SLC17A8: variants seen among roughly 807,000 people sequenced by gnomAD.
The protein encoded by SLC17A8 is solute carrier family 17 member 8, also known as vesicular glutamate transporter 3.
SLC17A8 carries 31 observed loss-of-function variants against 58.0 expected under a neutral mutation model. The ratio of observed to expected loss-of-function variants is 0.53; its 90% CI spans 0.40 to 0.72. The LOEUF (loss-of-function observed/expected upper bound fraction) is 0.72, where lower values mean the gene tolerates loss of function less well. SLC17A8 is among the 30% of genes least tolerant of loss of function. The pLI, the probability that SLC17A8 is intolerant of heterozygous loss-of-function variation, is 0.00. For synonymous variants in SLC17A8, 228 were observed against 249.0 expected (o/e 0.92, Z 0.79); for missense variants, 655 against 727.8 (o/e 0.90, Z 1.15).
At chr12:100,415,433 C>CAAA (rs71303557) in intron 10 of SLC17A8, among the ~76,000 whole-genome samples, 1,681 of 130,632 alleles carry the variant, frequency 0.013, 24 homozygotes, top group Middle Eastern at 0.029. Context: ...GATTCTGTCT[C>CAAA]AAAAAAAAAA....
intron 10 of SLC17A8, among the ~76,000 whole-genome samples, chr12:100,416,292 A>G (rs1476360121): frequency 6.6e-6 from 1 of 152,234 alleles, no homozygotes; most frequent in Non-Finnish European, 1.5e-5. Flanking sequence ...CTCAACAATC[A>G]TATTAATTGC....
intron 5 of SLC17A8, among the ~76,000 whole-genome samples, chr12:100,398,996 A>G (rs924347710): frequency 1.3e-5 from 2 of 152,198 alleles, no homozygotes; most frequent in Non-Finnish European, 2.9e-5. Flanking sequence ...TGTGAGTCCA[A>G]TTAAACCTCT....
At chr12:100,360,389 C>CA (rs1952476816) in intron 1 of SLC17A8, among the ~76,000 whole-genome samples, 1 of 152,182 alleles carries the variant, frequency 6.6e-6, no homozygotes, top group South Asian at 2.1e-4. Context: ...ACTGTAAACT[C>CA]ATTTAATTCT....
rs1952631343 is a variant in SLC17A8 at position 100,380,878 on chromosome 12, G to C, written c.279G>C (p.Arg93=). 1 of 1,614,034 alleles carries C rather than the reference G, an allele frequency of 6.2e-7. No homozygotes were observed. The change falls in exon 2 of 12, where the codon CGG becomes CGC. Residue 93 remains arginine, a synonymous_variant. Transcript: ENST00000323346. The part of the protein sequence containing the change: ...GLGFCISFGI[R]CNLGVAIVEM... ...GATTCTGCATTTCCTTTGGGATCCG[G>C]TGCAATCTTGGAGTTGCCATTGTGG...
chr12:100,386,692 C>T (rs1310366099), intron 2 of SLC17A8, among the ~76,000 whole-genome samples: 5 of 140,398 alleles, frequency 3.6e-5, no homozygotes, highest in Admixed American at 7.2e-5. Context: ...ACCACATTTC[C>T]TTTTTTTTTT....
intron 2 of SLC17A8, among the ~76,000 whole-genome samples, chr12:100,389,109 GA>G (rs1952695804): frequency 6.6e-6 from 1 of 152,178 alleles, no homozygotes; most frequent in Non-Finnish European, 1.5e-5. Context: ...AGTCTAAAAA[GA>G]ATGAGTTACT....
At chr12:100,385,987 CG>C (rs1952671982) in intron 2 of SLC17A8, among the ~76,000 whole-genome samples, 1 of 152,160 alleles carries the variant, frequency 6.6e-6, no homozygotes, top group Non-Finnish European at 1.5e-5. Context: ...TCCATCTTCA[CG>C]TGGACATCTT....
chr12:100,391,136 T>C lies in SLC17A8; in HGVS notation c.473+17T>C, dbSNP rs754541835. 91 of 1,505,626 alleles carry C rather than the reference T, an allele frequency of 6.0e-5. No homozygotes were observed. The highest frequency in any genetic ancestry group is 7.2e-5 in the Non-Finnish European group (78 of 1,081,512). 93.3% of individuals were successfully genotyped at this position (1,505,626 alleles called of 1,614,324 possible). ...TGCTAACAGGTAAGATAAATTGATATAACATGATACAAACCAATGAAATGT... is the reference window on the plus strand; with the variant it reads ...TGCTAACAGGTAAGATAAATTGATACAACATGATACAAACCAATGAAATGT... On this transcript the variant is annotated intron_variant, in intron 3 of 11. Transcript: ENST00000323346.
In SLC17A8 at chr12:100,383,273, T is replaced by C. The variant is rs556934461; in HGVS notation, c.354+2320T>C. Among the ~76,000 whole-genome samples, 19 of 152,362 alleles carry C rather than the reference T, an allele frequency of 1.2e-4. No homozygotes were observed. In the East Asian group the frequency reaches 3.5e-3, roughly 28 times the overall value. ...ACATTTTGATTAACCCGAGGAACAA[T>C]GCTAGTGTGCGCTCTCTAGTTTCTA... On this transcript the variant is annotated intron_variant, in intron 2 of 11. Transcript: ENST00000323346.
intron 8 of SLC17A8, among the ~76,000 whole-genome samples, chr12:100,403,246 GCTGGCGGATCAC>G (rs747470818): frequency 3.9e-5 from 6 of 151,998 alleles, no homozygotes; most frequent in Non-Finnish European, 7.3e-5. Flanking sequence ...GGAAGCCAAG[GCTGGCGGATCAC>G]CTGAGGTTAG....
At chr12:100,371,311 A>G (rs905475664) in intron 1 of SLC17A8, among the ~76,000 whole-genome samples, 1 of 152,210 alleles carries the variant, frequency 6.6e-6, no homozygotes, top group Non-Finnish European at 1.5e-5. Flanking sequence ...TAAATACCAC[A>G]GTCAGCATTG....
At chr12:100,363,308 T>C (rs957984514) in intron 1 of SLC17A8, among the ~76,000 whole-genome samples, 2 of 152,156 alleles carry the variant, frequency 1.3e-5, no homozygotes, top group African/African-American at 4.8e-5. Flanking sequence ...TCTCATGCCT[T>C]GTTTCTTTGA....
chr12:100,407,373 G>A (rs2136010042), intron 9 of SLC17A8, among the ~76,000 whole-genome samples: 1 of 152,234 alleles, frequency 6.6e-6, no homozygotes, highest in Non-Finnish European at 1.5e-5. Context: ...TTCTGCCCCA[G>A]TACCTCTGCT....
At chr12:100,398,709 T>C (rs1952769378) in intron 5 of SLC17A8, among the ~76,000 whole-genome samples, 2 of 152,178 alleles carry the variant, frequency 1.3e-5, no homozygotes, top group Non-Finnish European at 1.5e-5. Flanking sequence ...CATCCAGTGA[T>C]ATGGTTTGGC....
chr12:100,361,227 T>C (rs1952482016), intron 1 of SLC17A8, among the ~76,000 whole-genome samples: 1 of 152,186 alleles, frequency 6.6e-6, no homozygotes, highest in African/African-American at 2.4e-5. Context: ...CCAGTGCCCT[T>C]TCAATGGCCT....
At chr12:100,399,171 T>C (rs1214789198) in intron 5 of SLC17A8, among the ~76,000 whole-genome samples, 2 of 152,088 alleles carry the variant, frequency 1.3e-5, no homozygotes, top group East Asian at 3.9e-4. Flanking sequence ...CGGGGGCTCT[T>C]TCTCACCCCC....
At chr12:100,404,571 G>A (rs1210605929) in intron 9 of SLC17A8, among the ~76,000 whole-genome samples, 1 of 150,830 alleles carries the variant, frequency 6.6e-6, no homozygotes, top group East Asian at 1.9e-4. Flanking sequence ...CCTGCTTTAT[G>A]TTTTAATTTT....
rs905344742 is a variant in SLC17A8, at chr12:100,420,346, A to G, written c.*187A>G. On this transcript the variant is annotated 3_prime_UTR_variant, in exon 12 of 12. Transcript: ENST00000323346. ...ATAGGTAAGGAGCTGCGCTCAGTTGATAACATAGTTGATAATACATATTTT... is the reference window on the plus strand; with the variant it reads ...ATAGGTAAGGAGCTGCGCTCAGTTGGTAACATAGTTGATAATACATATTTT... 1.4e-4 allele frequency: 85 copies of G among 588,674 alleles called. No individual in the cohort carries two copies. The highest frequency in any genetic ancestry group is 1.4e-3 in the African/African-American group (76 of 53,850). 36.5% of individuals were successfully genotyped at this position (588,674 alleles called of 1,614,324 possible). A position where few individuals can be genotyped will look rare whatever the true frequency, so the allele number is the denominator to read the frequency against.
intron 3 of SLC17A8, among the ~76,000 whole-genome samples, chr12:100,392,574 A>G (rs766498606): frequency 2.6e-5 from 4 of 152,204 alleles, no homozygotes; most frequent in Non-Finnish European, 5.9e-5. Context: ...AAAAAGTGAT[A>G]AAATATTGGT....
Sources: gnomAD v4.1 joint callset for allele counts (sites outside exome capture counted in the v4.1 genomes callset) on GRCh38, gnomAD v4.1.1 for gene constraint, MANE v1.5 for transcripts, NCBI Gene and HGNC (gene_info 2026-07-23, HGNC 2026-07-21) for gene names.